KIF1A: variants seen among roughly 807,000 people sequenced by gnomAD.
The protein encoded by KIF1A is kinesin-like protein KIF1A.
Under a neutral mutation model 227.3 loss-of-function variants are expected in KIF1A, and 46 were observed. The ratio of observed to expected loss-of-function variants is 0.20; its 90% CI spans 0.16 to 0.26. KIF1A has a LOEUF of 0.26. KIF1A is among the 10% of genes least tolerant of loss of function. KIF1A has a pLI of 1.00. For missense variants in KIF1A, 1,683 were observed against 2,485.9 expected (o/e 0.68, Z 6.87); for synonymous variants, 1,022 against 1,012.8 (o/e 1.01, Z -0.17).
chr2:240,770,868 T>C, intron 15 of KIF1A, 103 bp downstream of exon 15: 3 of 1,391,724 alleles, frequency 2.2e-6, no homozygotes, highest in East Asian at 4.6e-5. Flanking sequence ...ACAATGGCCC[T>C]ATGAGGATGG....
Position 240,758,479 on chromosome 2 carries a change from C to A in KIF1A, c.2463G>T (p.Met821Ile). The A allele has an allele frequency of 6.2e-7, 1 of 1,600,552 alleles. No individual in the cohort carries two copies. Among genetic ancestry groups the A allele is most frequent in the South Asian group, 1.1e-5 (1 of 88,626 alleles). The change falls in exon 26 of 49, where the codon ATG becomes ATT. Residue 821 changes from methionine to isoleucine, a missense_variant. Physicochemically the swap from Met to Ile is conservative, Grantham distance 10 (BLOSUM62 1). Coordinates refer to ENST00000498729, the MANE Select transcript of KIF1A (RefSeq NM_001244008.2). This position sits in a 1 kb window ranked among gnomAD's most constrained non-coding sequence, Gnocchi z 5.2. ...LEKLRQRLDL[M>I]REMYDRAAEV... Reference sequence around the variant, plus strand: ...CTGCAGCGCGGTCGTACATCTCCCGCATCAGGTCCAGACGCTGCCTGCAGG... The same window carrying A: ...CTGCAGCGCGGTCGTACATCTCCCGAATCAGGTCCAGACGCTGCCTGCAGG...
intron 44 of KIF1A, 48 bp from the exon 45 acceptor site, chr2:240,721,086 C>T (rs1023889523): frequency 2.4e-5 from 39 of 1,603,726 alleles, no homozygotes; most frequent in Middle Eastern, 3.8e-4. Context: ...GGGGGGTCTC[C>T]GGCCTCTGTG....
chr2:240,729,099 C>T (rs775999855), intron 38 of KIF1A, among the ~76,000 whole-genome samples: 102 of 152,266 alleles, frequency 6.7e-4, no homozygotes, highest in Middle Eastern at 3.4e-3. Context: ...GTCTGGTACA[C>T]ATCAGTGTAA....
intron 46 of KIF1A, among the ~76,000 whole-genome samples, chr2:240,719,472 C>T (rs562045212): frequency 6.6e-6 from 1 of 152,182 alleles, no homozygotes; most frequent in South Asian, 2.1e-4. Context: ...CACACTGTAC[C>T]CAGTGACCAC....
At chr2:240,719,338 G>A in intron 46 of KIF1A, 140 bp from the exon 47 acceptor site, 1 of 933,658 alleles carries the variant, frequency 1.1e-6, no homozygotes, top group East Asian at 2.8e-5. Context: ...GGCATCGAAG[G>A]GCACCTGGCA....
chr2:240,800,523 G>A (rs906016704), intron 1 of KIF1A, among the ~76,000 whole-genome samples: 27 of 152,174 alleles, frequency 1.8e-4, no homozygotes, highest in African/African-American at 5.8e-4. Flanking sequence ...TTCTGCGCAC[G>A]GGGCAAGAGA....
intron 42 of KIF1A, 95 bp from the exon 43 acceptor site, chr2:240,722,751 C>A: frequency 2.1e-6 from 2 of 950,266 alleles, no homozygotes; most frequent in Middle Eastern, 3.3e-4. Context: ...TCTGGGCAGA[C>A]CCCGGAGAGC....
chr2:240,754,471 G>C (rs1051603296), intron 27 of KIF1A, among the ~76,000 whole-genome samples: 2 of 152,236 alleles, frequency 1.3e-5, no homozygotes, highest in Non-Finnish European at 2.9e-5. Context: ...AGCCTCAAGA[G>C]AGCTGTGAGC....
rs537829873 is a variant in KIF1A at position 240,722,092 on chromosome 2, C to G, written c.4666-208G>C. On this transcript the variant is annotated intron_variant, in intron 43 of 48. Transcript: ENST00000498729. ...CCAGGGTCAGGCACCGGCTGAGGGC[C>G]TGGTGTGAGGGCCAGAGGCTGTGCT... Among the ~76,000 whole-genome samples the G allele has an allele frequency of 1.2e-4, 18 of 152,298 alleles. No individual in the cohort carries two copies. In the South Asian group the frequency reaches 3.1e-3, roughly 26 times the overall value.
At position 240,762,708 on chromosome 2, in the gene KIF1A, T is replaced by G. The variant is rs1191204376; in HGVS notation, c.2116+11A>C. 3.2e-6 allele frequency: 5 copies of G among 1,575,612 alleles called. No homozygotes were observed. The highest frequency in any genetic ancestry group is 3.4e-5 in the Admixed American group (2 of 58,394). ...CCTGACGCAGCAGGTGCTGGCCCAGTGACCCCTCACCTTCATCCTCGGGCT... is the reference window on the plus strand; with the variant it reads ...CCTGACGCAGCAGGTGCTGGCCCAGGGACCCCTCACCTTCATCCTCGGGCT... On this transcript the variant is annotated intron_variant, in intron 23 of 48. Coordinates refer to ENST00000498729, the MANE Select transcript of KIF1A (RefSeq NM_001244008.2).
chr2:240,762,658 C>A, intron 23 of KIF1A, 61 bp downstream of exon 23: 1 of 1,470,598 alleles, frequency 6.8e-7, no homozygotes. Flanking sequence ...AGGCCCAGGG[C>A]TGCCCACCTC....
chr2:240,745,232 C>T (rs184911353), intron 32 of KIF1A, among the ~76,000 whole-genome samples, 195 bp downstream of exon 32: 6 of 152,144 alleles, frequency 3.9e-5, no homozygotes, highest in Non-Finnish European at 8.8e-5. Context: ...CCCCCATGCC[C>T]CAGCTGTAAA....
At chr2:240,754,295 C>G (rs1333323849) in intron 27 of KIF1A, among the ~76,000 whole-genome samples, 2 of 152,228 alleles carry the variant, frequency 1.3e-5, no homozygotes. Context: ...ATGGCACTGA[C>G]CTCGGGCCCC....
chr2:240,766,747 T>TCA lies in KIF1A; in HGVS notation c.1684+167_1684+168insTG, dbSNP rs1344499129. 5.1e-3 allele frequency among the ~76,000 whole-genome samples: 612 copies of TCA among 119,454 alleles called. 3 individuals carry two copies. Among genetic ancestry groups the TCA allele is most frequent in the East Asian group, 0.017 (59 of 3,558 alleles). The allele number at this position is 119,454 out of a possible 152,430, so 78.4% of individuals were successfully genotyped here. A position where few individuals can be genotyped will look rare whatever the true frequency, so the allele number is the denominator to read the frequency against. On this transcript the variant is annotated intron_variant, in intron 19 of 48. Transcript: ENST00000498729. The surrounding 1 kb of genome is among the most constrained non-coding windows in gnomAD (Gnocchi z 5.0). ...ATCTCTCTCTCTCTCTCTCTCTCTC[T>TCA]CTCACACACACACACACACACACAC... is the stretch of plus-strand genomic sequence containing the variant.
chr2:240,784,441 G>A (rs779290521), intron 7 of KIF1A, among the ~76,000 whole-genome samples: 16 of 152,192 alleles, frequency 1.1e-4, no homozygotes, highest in Non-Finnish European at 1.6e-4. Context: ...CTTCACCCTC[G>A]TCTGTCCCCC....
In KIF1A at chr2:240,786,536, C is replaced by G. The variant is rs368664771; in HGVS notation, c.430-23G>C. 4 of 1,610,396 alleles carry G rather than the reference C, an allele frequency of 2.5e-6. No individual in the cohort carries two copies. The African/African-American group carries it at 5.4e-5, about 22-fold the overall frequency. On this transcript the variant is annotated intron_variant, in intron 5 of 48. Transcript: ENST00000498729. ...GACCTGCAGGGCAGAGCCAGGCCAT[C>G]AGGGGCCCCTGAGGCGAGGGAGTGG...
At chr2:240,779,086 TCA>T (rs765888236) in intron 10 of KIF1A, among the ~76,000 whole-genome samples, 9 of 149,246 alleles carry the variant, frequency 6.0e-5, no homozygotes, top group Non-Finnish European at 8.9e-5. Flanking sequence ...AGTTCCACAC[TCA>T]GTTCCTCACT....
At chr2:240,759,144 A>AGTGTGT (rs35848053) in intron 25 of KIF1A, among the ~76,000 whole-genome samples, 2 of 148,694 alleles carry the variant, frequency 1.3e-5, no homozygotes, top group Non-Finnish European at 3.0e-5. Context: ...AATGCTTATG[A>AGTGTGT]GTGTGTGTGT....
chr2:240,807,436 C>T (rs1376768624), intron 1 of KIF1A, among the ~76,000 whole-genome samples: 6 of 152,150 alleles, frequency 3.9e-5, no homozygotes, highest in Non-Finnish European at 7.3e-5. Context: ...AGCCACCGCA[C>T]CCAGCCCCTT....
Sources: allele counts gnomAD v4.1 joint callset (sites outside exome capture counted in the v4.1 genomes callset), GRCh38; gene constraint gnomAD v4.1.1; non-coding constraint Gnocchi (gnomAD v3.1); transcripts MANE v1.5; gene names NCBI Gene and HGNC (gene_info 2026-07-23, HGNC 2026-07-21).